The following FKBP14 variants were observed in gnomAD, a reference collection of about 807,000 sequenced individuals.
FKBP14 encodes FKBP prolyl isomerase 14.
FKBP14 carries 20 observed loss-of-function variants against 21.6 expected under a neutral mutation model. The ratio of observed to expected loss-of-function variants is 0.92; its 90% CI spans 0.65 to 1.34. FKBP14 has a LOEUF of 1.34. Ranked by LOEUF, FKBP14 falls within the 40% of genes most tolerant of loss-of-function variation. FKBP14 has a pLI of 0.00. For missense variants in FKBP14, 253 were observed against 249.0 expected, an observed-to-expected ratio of 1.02 and a Z score of -0.11; for synonymous variants, 79 against 86.7, an observed-to-expected ratio of 0.91 and a Z score of 0.49.
At chr7:30,023,938 C>G (rs779934857) in intron 1 of FKBP14, among the ~76,000 whole-genome samples, 1 of 152,088 alleles carries the variant, frequency 6.6e-6, no homozygotes, top group Non-Finnish European at 1.5e-5. Context: ...GGGGCCATAG[C>G]GGAACCCTAT....
At chr7:30,023,822 G>T (rs1312347308) in intron 1 of FKBP14, among the ~76,000 whole-genome samples, 4 of 152,208 alleles carry the variant, frequency 2.6e-5, no homozygotes, top group African/African-American at 9.6e-5. Flanking sequence ...ATCACAAGGA[G>T]AACAGCATGG....
At chr7:30,023,445 C>T (rs572047725) in intron 1 of FKBP14, among the ~76,000 whole-genome samples, 2 of 152,256 alleles carry the variant, frequency 1.3e-5, no homozygotes, top group East Asian at 1.9e-4. Context: ...TTAGCTATGG[C>T]CTGCTGATGG....
chr7:30,024,897 G>A (rs751510481), intron 1 of FKBP14, among the ~76,000 whole-genome samples: 1 of 152,200 alleles, frequency 6.6e-6, no homozygotes, highest in African/African-American at 2.4e-5. Flanking sequence ...AAAGAGATCA[G>A]ACTAAAAATA....
rs1462249517 is a variant in FKBP14, at chr7:30,012,396, T to C, written c.*2339A>G. 6.6e-6 allele frequency: 1 copy of C among 152,270 alleles called. No individual in the cohort carries two copies. The highest frequency in any genetic ancestry group is 1.5e-5 in the Non-Finnish European group (1 of 68,040). The allele number at this position is 152,270 out of a possible 1,614,324, so 9.4% of individuals were successfully genotyped here. A position where few individuals can be genotyped will look rare whatever the true frequency, so the allele number is the denominator to read the frequency against. On this transcript the variant is annotated 3_prime_UTR_variant, in exon 4 of 4. Transcript: ENST00000222803. Reference sequence around the variant, plus strand: ...CTATAGATAGCATCAGTAATGTTTATACAGAGTAGCACCATCGGACAAACT... The same window carrying C: ...CTATAGATAGCATCAGTAATGTTTACACAGAGTAGCACCATCGGACAAACT...
In FKBP14 at chr7:30,019,071, A is replaced by G; in HGVS notation, c.402T>C (p.Ile134=). ...TLIFNIDLLE[I]RNGPRSHESF... The stretch of plus-strand genomic sequence containing the variant: ...ATTCATGGGATCTTGGTCCATTTCG[A>G]ATCTCCAGGAGATCAATATTAAATA... Residue 134 remains isoleucine (I), a synonymous_variant, in exon 3 of 4, where the codon ATT becomes ATC. Transcript: ENST00000222803. 1 of 1,595,160 alleles carries G rather than the reference A, an allele frequency of 6.3e-7. No individual in the cohort carries two copies. The highest frequency in any genetic ancestry group is 8.5e-7 in the Non-Finnish European group (1 of 1,174,356).
Position 30,026,457 on chromosome 7 carries a change from T to A in FKBP14, c.52A>T (p.Ile18Phe), listed in dbSNP as rs1046480485. The A allele has an allele frequency of 6.2e-7, 1 of 1,614,052 alleles. No individual in the cohort carries two copies. The highest frequency in any genetic ancestry group is 1.3e-5 in the African/African-American group (1 of 75,034). Residue 18 changes from isoleucine (I) to phenylalanine (F), a missense_variant, in exon 1 of 4, where the codon ATT becomes TTT. Physicochemically the swap from Ile to Phe is conservative, Grantham distance 21. Coordinates refer to ENST00000222803, the MANE Select transcript of FKBP14 (RefSeq NM_017946.4). ...AVLTLFVTSL[I>F]GALIPEPEVK... ...TCTGGTTCAGGGATCAAAGCCCCAA[T>A]CAAAGAAGTGACGAACAGAGTCAAG...
At chr7:30,007,374 TA>T (rs1167410868), downstream of FKBP14, among the ~76,000 whole-genome samples, 1 of 152,086 alleles carries the variant, frequency 6.6e-6, no homozygotes, top group Non-Finnish European at 1.5e-5. Flanking sequence ...CACACCCAGC[TA>T]ATTTTTGTAT....
chr7:30,024,864 TGAAA>T (rs1397784688), intron 1 of FKBP14, among the ~76,000 whole-genome samples: 1 of 152,218 alleles, frequency 6.6e-6, no homozygotes, highest in African/African-American at 2.4e-5. Flanking sequence ...TTCAGAAATC[TGAAA>T]GAAGTCAGGC....
intron 3 of FKBP14, among the ~76,000 whole-genome samples, chr7:30,016,462 C>T (rs868244337): frequency 4.6e-5 from 7 of 151,920 alleles, no homozygotes; most frequent in African/African-American, 7.3e-5. Context: ...GGCACGATCT[C>T]GGCCCACTAC....
chr7:30,017,228 G>A (rs749348487), intron 3 of FKBP14, among the ~76,000 whole-genome samples: 1 of 151,798 alleles, frequency 6.6e-6, no homozygotes, highest in Admixed American at 6.6e-5. Flanking sequence ...CTGGATGTGG[G>A]GATAATAGAA....
At chr7:30,023,436 T>A (rs1267344390) in intron 1 of FKBP14, among the ~76,000 whole-genome samples, 1 of 152,212 alleles carries the variant, frequency 6.6e-6, no homozygotes, top group African/African-American at 2.4e-5. Context: ...AAACTTGCCT[T>A]AGCTATGGCC....
rs186975853 is a variant in FKBP14 at position 30,017,796 on chromosome 7, C to T, written c.477+1200G>A. The stretch of plus-strand genomic sequence containing the variant: ...TTGGAAGGCCGAGGTGGGCAGATCA[C>T]GAGGTCAGGAGTTTGAGACCAGCCT... On this transcript the variant is annotated intron_variant, in intron 3 of 3. Transcript: ENST00000222803. 3.0e-3 allele frequency among the ~76,000 whole-genome samples: 455 copies of T among 152,076 alleles called. 5 individuals are homozygous for T. Among genetic ancestry groups the T allele is most frequent in the South Asian group, 5.2e-3 (25 of 4,822 alleles).
rs924083514 is a variant in FKBP14, at chr7:30,012,323, A to T, written c.*2412T>A. The T allele has an allele frequency of 1.3e-5, 2 of 152,400 alleles. No homozygotes were observed. Among genetic ancestry groups the T allele is most frequent in the Admixed American group, 6.5e-5 (1 of 15,312 alleles). 9.4% of individuals were successfully genotyped at this position (152,400 alleles called of 1,614,324 possible). A position where few individuals can be genotyped will look rare whatever the true frequency, so the allele number is the denominator to read the frequency against. On this transcript the variant is annotated 3_prime_UTR_variant, in exon 4 of 4. Coordinates refer to ENST00000222803, the MANE Select transcript of FKBP14 (RefSeq NM_017946.4). ...AACTGATACAAATTCACAGGTTTTT[A>T]AAAATGCTGCCTGAATAATCAAAAC... is the stretch of plus-strand genomic sequence containing the variant.
chr7:30,022,944 T>G, intron 1 of FKBP14, 128 bp from the exon 2 acceptor site: 1 of 769,348 alleles, frequency 1.3e-6, no homozygotes, highest in Non-Finnish European at 2.0e-6. Flanking sequence ...ATTCTGTATT[T>G]GCACACATAC....
rs1789732193 is a variant in FKBP14 at position 30,011,564 on chromosome 7, CCATATATATGG to C, written c.*3160_*3170del. ...TATATATATACTATATATATATATACCATATATATGGTATATATATATATATAGTATATATA... is the reference window on the plus strand; with the variant it reads ...TATATATATACTATATATATATATACTATATATATATATATAGTATATATA... On this transcript the variant is annotated 3_prime_UTR_variant, in exon 4 of 4. Coordinates refer to ENST00000222803, the MANE Select transcript of FKBP14 (RefSeq NM_017946.4). The C allele has an allele frequency of 8.3e-6, 1 of 120,376 alleles. No homozygotes were observed. Among genetic ancestry groups the C allele is most frequent in the Non-Finnish European group, 1.7e-5 (1 of 58,018 alleles). The allele number at this position is 120,376 out of a possible 1,614,324, so 7.5% of individuals were successfully genotyped here. A position where few individuals can be genotyped will look rare whatever the true frequency, so the allele number is the denominator to read the frequency against.
At chr7:30,010,102 A>G (rs1196326084), downstream of FKBP14, among the ~76,000 whole-genome samples, 1 of 152,184 alleles carries the variant, frequency 6.6e-6, no homozygotes, top group Non-Finnish European at 1.5e-5. Flanking sequence ...AAAGATCCAA[A>G]TGGCTAGATT....
chr7:30,022,579 A>G, intron 2 of FKBP14, 86 bp downstream of exon 2: 1 of 1,429,684 alleles, frequency 7.0e-7, no homozygotes, highest in Non-Finnish European at 9.3e-7. Context: ...GGGGAAAAAA[A>G]AAAGTTATAG....
At position 30,018,956 on chromosome 7, in the gene FKBP14, A is replaced by T. The variant is rs368293543; in HGVS notation, c.477+40T>A. On this transcript the variant is annotated intron_variant, in intron 3 of 3. Coordinates refer to ENST00000222803, the MANE Select transcript of FKBP14 (RefSeq NM_017946.4). The stretch of plus-strand genomic sequence containing the variant: ...AACAAAACAAAACCCCAAACAACCA[A>T]AGAAAAGTAGAAAGAGGAGTAGGAA... 2.5e-6 allele frequency: 4 copies of T among 1,594,406 alleles called. No homozygotes were observed. The African/African-American group carries it at 5.4e-5, about 22-fold the overall frequency.
chr7:30,008,135 A>T (rs572696544), downstream of FKBP14: 1 of 151,996 alleles, frequency 6.6e-6, no homozygotes, highest in African/African-American at 2.4e-5. Context: ...CTTTTAATAC[A>T]CCCCATGTGA....
Sources: allele counts gnomAD v4.1 joint callset (sites outside exome capture counted in the v4.1 genomes callset), GRCh38; gene constraint gnomAD v4.1.1; transcripts MANE v1.5; gene names NCBI Gene and HGNC (gene_info 2026-07-23, HGNC 2026-07-21).